Variants in TMIGD1 observed in about 807,000 individuals in gnomAD.
The protein encoded by TMIGD1 is transmembrane and immunoglobulin domain-containing protein 1.
Under a neutral mutation model 27.5 loss-of-function variants are expected in TMIGD1, and 29 were observed. The ratio of observed to expected loss-of-function variants is 1.05; its 90% CI spans 0.78 to 1.44. The LOEUF is 1.44. TMIGD1 is among the 40% of genes most tolerant of loss of function. TMIGD1 has a pLI of 0.00. For synonymous variants in TMIGD1, 109 were observed against 110.3 expected, an observed-to-expected ratio of 0.99 and a Z score of 0.07; for missense variants, 334 against 310.6, an observed-to-expected ratio of 1.08 and a Z score of -0.57.
rs372883354 is a variant in TMIGD1 at position 30,318,791 on chromosome 17, G to A, written c.744+19C>T. ...CAGATGATGGCTTTTTACTTAAATA[G>A]CTCAGAATACTTAGATACCTTCATT... On this transcript the variant is annotated intron_variant, in intron 5 of 6. Coordinates refer to ENST00000328886, the MANE Select transcript of TMIGD1 (RefSeq NM_206832.3). The A allele has an allele frequency of 1.3e-6, 2 of 1,556,742 alleles. No homozygotes were observed.
intron 4 of TMIGD1, among the ~76,000 whole-genome samples, chr17:30,319,261 A>AAAATATATATATATATAT: frequency 1.4e-5 from 1 of 69,038 alleles, no homozygotes; most frequent in East Asian, 2.6e-4. Flanking sequence ...AAAAAAAAAA[A>AAAATATATATATATATAT]ATATATATAT....
At chr17:30,324,453 G>C (rs1009651625) in intron 4 of TMIGD1, among the ~76,000 whole-genome samples, 1 of 152,094 alleles carries the variant, frequency 6.6e-6, no homozygotes, top group African/African-American at 2.4e-5. Context: ...TCTTCTCTGT[G>C]TGTTTTTTAC....
chr17:30,319,522 T>C (rs1334220178), intron 4 of TMIGD1, among the ~76,000 whole-genome samples: 1 of 148,480 alleles, frequency 6.7e-6, no homozygotes, highest in East Asian at 2.0e-4. Context: ...TTTATTGTAA[T>C]ATGAGTAACT....
intron 4 of TMIGD1, among the ~76,000 whole-genome samples, chr17:30,320,749 TG>T (rs1483020409): frequency 6.6e-6 from 1 of 152,194 alleles, no homozygotes; most frequent in Non-Finnish European, 1.5e-5. Flanking sequence ...CCCAGACACT[TG>T]GGAGGCTGGG....
chr17:30,331,050 C>T (rs1597686877), intron 2 of TMIGD1, among the ~76,000 whole-genome samples: 1 of 152,014 alleles, frequency 6.6e-6, no homozygotes, highest in East Asian at 1.9e-4. Context: ...AAAAAATTAG[C>T]CAGGCATGGT....
In TMIGD1 at chr17:30,316,491, T is replaced by C; in HGVS notation, c.*196A>G. 1.8e-6 allele frequency: 1 copy of C among 557,028 alleles called. No individual in the cohort carries two copies. The highest frequency in any genetic ancestry group is 3.1e-6 in the Non-Finnish European group (1 of 319,442). The allele number at this position is 557,028 out of a possible 1,614,324, so 34.5% of individuals were successfully genotyped here. A position where few individuals can be genotyped will look rare whatever the true frequency, so the allele number is the denominator to read the frequency against. On this transcript the variant is annotated 3_prime_UTR_variant, in exon 7 of 7. Transcript: ENST00000328886. ...GAGAAGACTTAACAAAATCTTACTTTTCATTCTTAATAGCTCTTTCCATAA... is the reference window on the plus strand; with the variant it reads ...GAGAAGACTTAACAAAATCTTACTTCTCATTCTTAATAGCTCTTTCCATAA...
At chr17:30,319,261 A>AATATATATATATATATATATATATATAT (rs1175035556) in intron 4 of TMIGD1, among the ~76,000 whole-genome samples, 3 of 69,060 alleles carry the variant, frequency 4.3e-5, no homozygotes, top group African/African-American at 2.7e-4. Context: ...AAAAAAAAAA[A>AATATATATATATATATATATATATATAT]ATATATATAT....
rs1909892622 is a variant in TMIGD1, at chr17:30,329,278, A to G, written c.334T>C (p.Ser112Pro). The change falls in exon 3 of 7, where the codon TCC (serine) becomes CCC (proline). Residue 112 changes from serine (S) to proline (P), a missense_variant. By Grantham distance (74) the Ser-to-Pro change is moderately conservative (BLOSUM62 -1). Coordinates refer to ENST00000328886, the MANE Select transcript of TMIGD1 (RefSeq NM_206832.3). ...TCRLGRDQSV[S>P]VSVVLNVTFP... ...GTAACATTCAGCACCACCGAAACGG[A>G]CACGGACTGATCCCTCCCCAGCCTG... 8 of 1,614,102 alleles carry G rather than the reference A, an allele frequency of 5.0e-6. No homozygotes were observed. The highest frequency in any genetic ancestry group is 6.8e-6 in the Non-Finnish European group (8 of 1,180,000).
rs1910000378 is a variant in TMIGD1 at position 30,332,126 on chromosome 17, C to T, written c.8G>A (p.Trp3Ter). The change falls in exon 2 of 7, where the codon TGG (tryptophan) becomes TAG (stop). Residue 3 changes from tryptophan to a stop codon, truncating the protein, a stop_gained. Transcript: ENST00000328886. LOFTEE classifies it high-confidence loss of function. ...CATTTGCATTATGACACTGCTCTTC[C>T]ATGCCATCTTTAATGAGTTAAACTC... MA[W>*]KSSVIMQMGR... 1 of 1,612,272 alleles carries T rather than the reference C, an allele frequency of 6.2e-7. No individual in the cohort carries two copies. Among genetic ancestry groups the T allele is most frequent in the Admixed American group, 1.7e-5 (1 of 59,780 alleles).
At chr17:30,320,340 G>A (rs1406837969) in intron 4 of TMIGD1, among the ~76,000 whole-genome samples, 8 of 152,008 alleles carry the variant, frequency 5.3e-5, no homozygotes, top group African/African-American at 1.9e-4. Context: ...CGGGCCAAGA[G>A]CTACTTTATT....
chr17:30,321,941 A>G (rs1909634223), intron 4 of TMIGD1, among the ~76,000 whole-genome samples: 1 of 151,960 alleles, frequency 6.6e-6, no homozygotes, highest in Non-Finnish European at 1.5e-5. Flanking sequence ...AGATCCTCCT[A>G]CTTCAGCCTC....
intron 3 of TMIGD1, among the ~76,000 whole-genome samples, chr17:30,327,569 A>ATTTT (rs921781456): frequency 6.6e-6 from 1 of 150,598 alleles, no homozygotes. Flanking sequence ...ATTTTATTTT[A>ATTTT]TTTTTTTTGA....
At chr17:30,320,046 T>C (rs1445294772) in intron 4 of TMIGD1, among the ~76,000 whole-genome samples, 1 of 152,074 alleles carries the variant, frequency 6.6e-6, no homozygotes, top group African/African-American at 2.4e-5. Flanking sequence ...GAGCTATTTT[T>C]TTTTTTTTGA....
chr17:30,321,389 C>T (rs1241706934), intron 4 of TMIGD1, among the ~76,000 whole-genome samples: 4 of 152,192 alleles, frequency 2.6e-5, no homozygotes, highest in African/African-American at 9.7e-5. Context: ...ATTCTGATGC[C>T]ATCCAACGAC....
At position 30,332,104 on chromosome 17, in the gene TMIGD1, T is replaced by A; in HGVS notation, c.30A>T (p.Gln10His). Residue 10 changes from glutamine to histidine, a missense_variant, in exon 2 of 7, where the codon CAA becomes CAT. Coordinates refer to ENST00000328886, the MANE Select transcript of TMIGD1 (RefSeq NM_206832.3). MAWKSSVIM[Q>H]MGRFLLLVIL... ...TTACTAAGAGAAGAAATCTTCCCAT[T>A]TGCATTATGACACTGCTCTTCCATG... 6.2e-7 allele frequency: 1 copy of A among 1,613,650 alleles called. No individual in the cohort carries two copies. Among genetic ancestry groups the A allele is most frequent in the Non-Finnish European group, 8.5e-7 (1 of 1,179,790 alleles).
At chr17:30,316,898 C>CAGT in intron 6 of TMIGD1, 2 of 636,494 alleles carry the variant, frequency 3.1e-6, no homozygotes, top group South Asian at 3.8e-5. Context: ...CAGTATGGAC[C>CAGT]AGTGACTTCC....
At chr17:30,327,880 A>C (rs934881044) in intron 3 of TMIGD1, among the ~76,000 whole-genome samples, 13 of 151,766 alleles carry the variant, frequency 8.6e-5, no homozygotes, top group Non-Finnish European at 1.8e-4. Context: ...CCAGCTTTTC[A>C]CCCAACAACC....
At chr17:30,328,686 T>C (rs1909866434) in intron 3 of TMIGD1, among the ~76,000 whole-genome samples, 1 of 152,118 alleles carries the variant, frequency 6.6e-6, no homozygotes, top group Admixed American at 6.5e-5. Context: ...CTGGGTGCAG[T>C]GGCTCACACC....
chr17:30,329,616 T>C, intron 2 of TMIGD1, 87 bp from the exon 3 acceptor site: 3 of 1,083,016 alleles, frequency 2.8e-6, no homozygotes, highest in Non-Finnish European at 4.0e-6. Flanking sequence ...TAAGTTATGT[T>C]ACATCAGTAG....
Sources: gnomAD v4.1 joint callset for allele counts (sites outside exome capture counted in the v4.1 genomes callset) on GRCh38, gnomAD v4.1.1 for gene constraint, MANE v1.5 for transcripts, NCBI Gene and HGNC (gene_info 2026-07-23, HGNC 2026-07-21) for gene names.